Variants in DENND1B observed in about 807,000 individuals in gnomAD.
The protein encoded by DENND1B is DENN domain containing 1B, also known as DENN domain-containing protein 1B.
In DENND1B, 59 loss-of-function variants were observed where a neutral mutation model predicts 90.1. The ratio of observed to expected loss-of-function variants is 0.65; its 90% CI spans 0.53 to 0.81. The LOEUF (loss-of-function observed/expected upper bound fraction) is 0.81, where lower values mean the gene tolerates loss of function less well. Ranked by LOEUF, DENND1B falls within the 40% of genes least tolerant of loss-of-function variation. The pLI, the probability that DENND1B is intolerant of heterozygous loss-of-function variation, is 0.00. For synonymous variants in DENND1B, 337 were observed against 324.6 expected (o/e 1.04, Z -0.41); for missense variants, 862 against 912.6 (o/e 0.94, Z 0.71).
intron 20 of DENND1B, among the ~76,000 whole-genome samples, chr1:197,536,552 G>A (rs988504452): frequency 5.9e-5 from 9 of 151,924 alleles, no homozygotes; most frequent in African/African-American, 2.2e-4. Context: ...GGAAGCCTTG[G>A]GAAAAAAATT....
In DENND1B at chr1:197,674,031, CATTTT is replaced by C. The variant is rs1384957525; in HGVS notation, c.176+84_176+88del. ...TGTGAGAAGCAATAAAGAGAAGGGA[CATTTT>C]ATTTTATAAAAAAGCACATGTAATC... On this transcript the variant is annotated intron_variant, in intron 4 of 22. Coordinates refer to ENST00000620048, the MANE Select transcript of DENND1B (RefSeq NM_001195215.2). The C allele has an allele frequency of 1.7e-5, 16 of 914,290 alleles. No individual in the cohort carries two copies. In the East Asian group the frequency reaches 4.1e-4, roughly 23 times the overall value. The allele number at this position is 914,290 out of a possible 1,614,324, so 56.6% of individuals were successfully genotyped here.
intron 5 of DENND1B, among the ~76,000 whole-genome samples, chr1:197,662,926 C>G (rs1430357291): frequency 6.6e-6 from 1 of 152,020 alleles, no homozygotes; most frequent in Non-Finnish European, 1.5e-5. Flanking sequence ...AATTTCCCAA[C>G]AAATAAAGGT....
At chr1:197,585,778 T>C (rs188291023) in intron 14 of DENND1B, among the ~76,000 whole-genome samples, 18 of 152,328 alleles carry the variant, frequency 1.2e-4, no homozygotes, top group Non-Finnish European at 2.1e-4. Context: ...TATATATTAA[T>C]ATACAAGAAC....
At chr1:197,769,482 A>T (rs1420092481) in intron 2 of DENND1B, among the ~76,000 whole-genome samples, 2 of 151,982 alleles carry the variant, frequency 1.3e-5, no homozygotes, top group African/African-American at 4.8e-5. Context: ...ACTTCCACTG[A>T]CAGTCTTATA....
At chr1:197,674,275 G>A in intron 3 of DENND1B, 106 bp from the exon 4 acceptor site, 1 of 777,658 alleles carries the variant, frequency 1.3e-6, no homozygotes, top group South Asian at 1.8e-5. Flanking sequence ...TGCTTTCTTT[G>A]TCCTTAAGAA....
At chr1:197,585,620 A>C (rs962247025) in intron 14 of DENND1B, among the ~76,000 whole-genome samples, 5 of 152,264 alleles carry the variant, frequency 3.3e-5, no homozygotes, top group African/African-American at 1.2e-4. Flanking sequence ...GACACAAATC[A>C]TGGAAAAACT....
chr1:197,675,222 T>TAAA (rs1475711774), intron 3 of DENND1B, among the ~76,000 whole-genome samples: 1 of 152,128 alleles, frequency 6.6e-6, no homozygotes, highest in Non-Finnish European at 1.5e-5. Context: ...TCTTTGCCAC[T>TAAA]AAAACTAAGG....
chr1:197,655,825 C>T (rs1050208491), intron 6 of DENND1B, among the ~76,000 whole-genome samples: 1 of 152,152 alleles, frequency 6.6e-6, no homozygotes, highest in African/African-American at 2.4e-5. Context: ...AGCCACCGCG[C>T]CCGGCCCATT....
chr1:197,733,602 G>C (rs1662353154), intron 2 of DENND1B, among the ~76,000 whole-genome samples: 1 of 152,186 alleles, frequency 6.6e-6, no homozygotes, highest in Admixed American at 6.5e-5. Context: ...CCCTACATCA[G>C]AGGAAGCTGC....
chr1:197,536,770 G>A (rs977652890), intron 20 of DENND1B, among the ~76,000 whole-genome samples: 3 of 152,040 alleles, frequency 2.0e-5, no homozygotes, highest in Non-Finnish European at 4.4e-5. Context: ...GACCAGGCTC[G>A]GTGGCTCATG....
At chr1:197,543,715 C>T (rs748643972) in intron 18 of DENND1B, among the ~76,000 whole-genome samples, 32 of 152,132 alleles carry the variant, frequency 2.1e-4, no homozygotes, top group Non-Finnish European at 4.3e-4. Flanking sequence ...TTATTTTGGC[C>T]TTATGGTTAG....
intron 2 of DENND1B, among the ~76,000 whole-genome samples, chr1:197,768,637 T>C (rs565433363): frequency 2.0e-5 from 3 of 152,008 alleles, no homozygotes; most frequent in East Asian, 3.9e-4. Context: ...TTTGGACAGC[T>C]GGAGCAGAAG....
rs749663976 is a variant in DENND1B, at chr1:197,672,082, A to C, written c.251T>G (p.Phe84Cys). Residue 84 changes from phenylalanine (F) to cysteine (C), a missense_variant, in exon 5 of 23, where the codon TTC becomes TGC. Physicochemically the swap from Phe to Cys is radical, Grantham distance 205 (BLOSUM62 -2). Transcript: ENST00000620048. The stretch of plus-strand genomic sequence containing the variant: ...TGTGCCTCCTGACGTCAGTCTGCAG[A>C]ATCCAAATCTCTGTTTACTTTCAAT... ...TDIESKQRFG[F>C]CRLTSGGTIC... The C allele has an allele frequency of 3.1e-6, 5 of 1,612,740 alleles. No homozygotes were observed. In the Admixed American group the frequency reaches 8.4e-5, roughly 27 times the overall value.
Position 197,735,110 on chromosome 1 carries a change from T to C in DENND1B, c.83-20036A>G, listed in dbSNP as rs1357988806. The C allele has an allele frequency of 9.3e-6, 9 of 966,186 alleles. No homozygotes were observed. The South Asian group carries it at 1.4e-4, about 15-fold the overall frequency. 59.9% of individuals were successfully genotyped at this position (966,186 alleles called of 1,614,324 possible). On this transcript the variant is annotated intron_variant, in intron 2 of 22. Coordinates refer to ENST00000620048, the MANE Select transcript of DENND1B (RefSeq NM_001195215.2). ...ACAATAATATGCAATTTTAAGAAAATAGATTTGGTTAAATCTATATTATAT... is the reference window on the plus strand; with the variant it reads ...ACAATAATATGCAATTTTAAGAAAACAGATTTGGTTAAATCTATATTATAT...
chr1:197,681,224 A>C (rs1194722596), intron 3 of DENND1B, among the ~76,000 whole-genome samples: 2 of 152,138 alleles, frequency 1.3e-5, no homozygotes, highest in African/African-American at 4.8e-5. Flanking sequence ...ATAGATACAG[A>C]TGTATGTACA....
rs1318569863 is a variant in DENND1B, at chr1:197,652,227, AT to A, written c.447+7del. ...ACTCCCAAAAACAATTACTGATTGA[AT>A]ACTTACCACACTCAAATTTACAGGA... On this transcript the variant is annotated splice_region_variant and intron_variant, in intron 7 of 22. Transcript: ENST00000620048. 2 of 1,608,650 alleles carry A rather than the reference AT, an allele frequency of 1.2e-6. No individual in the cohort carries two copies. The highest frequency in any genetic ancestry group is 1.7e-6 in the Non-Finnish European group (2 of 1,177,388).
intron 15 of DENND1B, among the ~76,000 whole-genome samples, chr1:197,580,939 C>T (rs535497009): frequency 1.3e-5 from 2 of 152,178 alleles, no homozygotes; most frequent in East Asian, 3.9e-4. Context: ...GGATCCTACC[C>T]TGCCATATTA....
chr1:197,582,893 T>G (rs975734329), intron 15 of DENND1B, among the ~76,000 whole-genome samples: 5 of 152,190 alleles, frequency 3.3e-5, no homozygotes, highest in African/African-American at 9.6e-5. Flanking sequence ...TGTTGCTGCT[T>G]CTTCTGTGAA....
intron 2 of DENND1B, among the ~76,000 whole-genome samples, chr1:197,733,152 T>A (rs1174209911): frequency 6.6e-6 from 1 of 152,182 alleles, no homozygotes; most frequent in Non-Finnish European, 1.5e-5. Context: ...AAGTCTATAA[T>A]GGAGCTTTTT....
Sources: allele counts gnomAD v4.1 joint callset (sites outside exome capture counted in the v4.1 genomes callset), GRCh38; gene constraint gnomAD v4.1.1; transcripts MANE v1.5; gene names NCBI Gene and HGNC (gene_info 2026-07-23, HGNC 2026-07-21).